KLF12: variants seen among roughly 807,000 people sequenced by gnomAD.
The protein encoded by KLF12 is KLF transcription factor 12.
A neutral mutation model predicts 37.8 loss-of-function variants in KLF12; 9 were observed. The observed-to-expected ratio is 0.24, with a 90% CI of 0.14 to 0.42. KLF12 has a LOEUF of 0.42. Among genes scored for constraint, KLF12 ranks in the 10% least tolerant of loss-of-function variants. The probability of loss-of-function intolerance (pLI) is 1.00; values close to 1 mark genes in which losing one functional copy is unlikely to be tolerated. For synonymous variants in KLF12, 208 were observed against 202.1 expected, an observed-to-expected ratio of 1.03 and a Z score of -0.25; for missense variants, 411 against 516.0, an observed-to-expected ratio of 0.80 and a Z score of 1.97.
At chr13:73,725,172 C>T (rs1334714886) in intron 6 of KLF12, among the ~76,000 whole-genome samples, 1 of 152,172 alleles carries the variant, frequency 6.6e-6, no homozygotes, top group Non-Finnish European at 1.5e-5. Flanking sequence ...GCAATCTCAG[C>T]TCACTGCAAC....
chr13:73,836,642 A>T (rs1594150375), intron 4 of KLF12, among the ~76,000 whole-genome samples: 1 of 152,216 alleles, frequency 6.6e-6, no homozygotes, highest in East Asian at 1.9e-4. Context: ...ACTATATGAA[A>T]TCAGAAGCAT....
At chr13:74,028,062 G>A (rs1417416624) in intron 1 of KLF12, among the ~76,000 whole-genome samples, 2 of 152,146 alleles carry the variant, frequency 1.3e-5, no homozygotes, top group African/African-American at 4.8e-5. Context: ...GAAAGTGGCA[G>A]GAAGAACCTT....
chr13:74,239,156 G>A, the KLF12 span, among the ~76,000 whole-genome samples: 1 of 147,126 alleles, frequency 6.8e-6, no homozygotes, highest in Non-Finnish European at 1.5e-5. Context: ...GTTCTCGTTG[G>A]TTTCAAAGAA....
In KLF12 at chr13:73,852,946, T is replaced by C. The variant is rs185912219; in HGVS notation, c.124-6573A>G. Among the ~76,000 whole-genome samples the C allele has an allele frequency of 3.2e-3, 482 of 150,996 alleles. 2 individuals carry two copies. The highest frequency in any genetic ancestry group is 5.2e-3 in the Non-Finnish European group (351 of 67,640). On this transcript the variant is annotated intron_variant, in intron 3 of 7. Transcript: ENST00000377669. The stretch of plus-strand genomic sequence containing the variant: ...GTGCAGTGGCGCGATCTCAGCTCAT[T>C]GCAAGCTCCGCCTGCCGGGTTCATG...
intron 1 of KLF12, among the ~76,000 whole-genome samples, chr13:74,097,266 G>T (rs2138849991): frequency 6.6e-6 from 1 of 152,160 alleles, no homozygotes; most frequent in South Asian, 2.1e-4. Context: ...AAGGGACATG[G>T]CATCCTTAGA....
chr13:73,747,974 A>G (rs1878486783), intron 6 of KLF12, among the ~76,000 whole-genome samples: 1 of 152,230 alleles, frequency 6.6e-6, no homozygotes, highest in African/African-American at 2.4e-5. Context: ...AGAATGTAAA[A>G]TATCATTGAA....
chr13:74,016,661 C>T (rs1370168257), intron 1 of KLF12, among the ~76,000 whole-genome samples: 1 of 152,210 alleles, frequency 6.6e-6, no homozygotes, highest in African/African-American at 2.4e-5. Flanking sequence ...CCATGCCCTG[C>T]CTCTCATGTA....
At chr13:74,040,519 T>G (rs963877571) in intron 1 of KLF12, among the ~76,000 whole-genome samples, 3 of 152,172 alleles carry the variant, frequency 2.0e-5, no homozygotes. Context: ...TGAAAAAGAC[T>G]TCCAGTATAA....
Position 73,898,025 on chromosome 13 carries a change from T to G in KLF12, c.123+45956A>C, listed in dbSNP as rs114478576. On this transcript the variant is annotated intron_variant, in intron 3 of 7. Transcript: ENST00000377669. The stretch of plus-strand genomic sequence containing the variant: ...CATGCAGGGGTCCTTGTAAAGATAG[T>G]TCCTGCCAGGGTACGCTCTTCTCCC... Among the ~76,000 whole-genome samples the G allele has an allele frequency of 6.4e-3, 975 of 152,214 alleles. 4 individuals are homozygous for G. The highest frequency in any genetic ancestry group is 0.022 in the African/African-American group (899 of 41,536).
chr13:74,170,130 T>C, the KLF12 span, among the ~76,000 whole-genome samples: 1 of 152,168 alleles, frequency 6.6e-6, no homozygotes, highest in Non-Finnish European at 1.5e-5. Context: ...TGATGAACTC[T>C]CAAATCCCTT....
chr13:74,071,656 G>A (rs1285021767), intron 1 of KLF12, among the ~76,000 whole-genome samples: 1 of 152,266 alleles, frequency 6.6e-6, no homozygotes, highest in Non-Finnish European at 1.5e-5. Context: ...TCGCACCACT[G>A]CACTCCAGCC....
intron 1 of KLF12, among the ~76,000 whole-genome samples, chr13:74,081,839 A>C (rs989337994): frequency 4.6e-5 from 7 of 152,280 alleles, no homozygotes; most frequent in African/African-American, 1.7e-4. Context: ...AAAACTATCA[A>C]TTTCAACTAC....
chr13:74,280,233 G>T, the KLF12 span, among the ~76,000 whole-genome samples: 1 of 152,148 alleles, frequency 6.6e-6, no homozygotes, highest in Non-Finnish European at 1.5e-5. Flanking sequence ...CAGTTGCTCA[G>T]AGAAGTTAAG....
chr13:74,018,786 CTGTTCAGA>C (rs964917069), intron 1 of KLF12, among the ~76,000 whole-genome samples: 1 of 152,164 alleles, frequency 6.6e-6, no homozygotes, highest in Admixed American at 6.5e-5. Flanking sequence ...AAATGGGCCA[CTGTTCAGA>C]TCATTCGCAA....
intron 2 of KLF12, among the ~76,000 whole-genome samples, chr13:73,986,915 C>T (rs958458175): frequency 6.6e-6 from 1 of 151,948 alleles, no homozygotes. Flanking sequence ...CTTCTGACCA[C>T]CAGAACTGTA....
chr13:74,029,182 T>C (rs894357886), intron 1 of KLF12, among the ~76,000 whole-genome samples: 3 of 152,260 alleles, frequency 2.0e-5, no homozygotes, highest in East Asian at 1.9e-4. Flanking sequence ...GATCCTCTAT[T>C]GCCTACCATT....
At position 73,788,570 on chromosome 13, in the gene KLF12, G is replaced by A. The variant is rs148621016; in HGVS notation, c.807-23570C>T. ...TCTGTAAAGGATGGGTCAGCCCTGG[G>A]CCTGTGGAACACCTTTGTGCTCGTA... is the stretch of plus-strand genomic sequence containing the variant. On this transcript the variant is annotated intron_variant, in intron 5 of 7. Transcript: ENST00000377669. Among the ~76,000 whole-genome samples the A allele has an allele frequency of 2.5e-4, 38 of 152,262 alleles. No individual in the cohort carries two copies. The East Asian group carries it at 5.6e-3, about 22-fold the overall frequency.
chr13:73,955,620 T>C (rs762096993), intron 2 of KLF12, among the ~76,000 whole-genome samples: 23 of 152,226 alleles, frequency 1.5e-4, no homozygotes, highest in Non-Finnish European at 3.1e-4. Context: ...ATATTTGACA[T>C]AGTGCTAAAT....
At chr13:73,962,319 G>A (rs770996944) in intron 2 of KLF12, among the ~76,000 whole-genome samples, 14 of 152,132 alleles carry the variant, frequency 9.2e-5, no homozygotes, top group Non-Finnish European at 1.9e-4. Context: ...AGAGATGCCA[G>A]GTCTTAAGGG....
Sources: allele counts gnomAD v4.1 joint callset (sites outside exome capture counted in the v4.1 genomes callset), GRCh38; gene constraint gnomAD v4.1.1; transcripts MANE v1.5; gene names NCBI Gene and HGNC (gene_info 2026-07-23, HGNC 2026-07-21).